The following MEGF11 variants were observed in gnomAD, a reference collection of about 807,000 sequenced individuals.
The protein encoded by MEGF11 is multiple EGF like domains 11, also known as multiple epidermal growth factor-like domains protein 11.
Under a neutral mutation model 146.6 loss-of-function variants are expected in MEGF11, and 126 were observed. The observed-to-expected ratio is 0.86, with a 90% CI of 0.74 to 1.00. The LOEUF (loss-of-function observed/expected upper bound fraction) is 1.00. Ranked by LOEUF, MEGF11 falls within the 50% of genes least tolerant of loss-of-function variation. The probability of loss-of-function intolerance (pLI) is 0.00; values close to 1 mark genes in which losing one functional copy is unlikely to be tolerated. For synonymous variants in MEGF11, 532 were observed against 583.4 expected (o/e 0.91, Z 1.27); for missense variants, 1,509 against 1,521.2 (o/e 0.99, Z 0.13).
intron 1 of MEGF11, among the ~76,000 whole-genome samples, chr15:66,235,745 G>C (rs2092075670): frequency 6.6e-6 from 1 of 152,108 alleles, no homozygotes; most frequent in East Asian, 1.9e-4. Context: ...TCCCAAGACT[G>C]CCCGGGCTCC....
intron 1 of MEGF11, among the ~76,000 whole-genome samples, chr15:66,151,341 C>A (rs1420186205): frequency 6.6e-6 from 1 of 152,170 alleles, no homozygotes; most frequent in Admixed American, 6.5e-5. Context: ...CCCTGAGCCA[C>A]GTGGGGCTGA....
intron 1 of MEGF11, among the ~76,000 whole-genome samples, chr15:66,164,323 C>A (rs938316137): frequency 6.6e-6 from 1 of 152,180 alleles, no homozygotes; most frequent in Non-Finnish European, 1.5e-5. Flanking sequence ...CATCACTGTG[C>A]CAATGGAGTT....
intron 1 of MEGF11, among the ~76,000 whole-genome samples, chr15:66,191,368 A>T (rs571729973): frequency 6.6e-6 from 1 of 152,328 alleles, no homozygotes; most frequent in African/African-American, 2.4e-5. Context: ...CAGGGGTTTC[A>T]ATGGATGCTC....
chr15:66,200,080 G>A (rs1257124344), intron 1 of MEGF11, among the ~76,000 whole-genome samples: 2 of 152,142 alleles, frequency 1.3e-5, no homozygotes, highest in East Asian at 1.9e-4. Context: ...CTATGAATAC[G>A]TCAATATTCA....
intron 5 of MEGF11, among the ~76,000 whole-genome samples, chr15:65,990,155 G>A (rs1457322132): frequency 6.6e-6 from 1 of 152,144 alleles, no homozygotes; most frequent in African/African-American, 2.4e-5. Context: ...AGGCTGCAGT[G>A]AGCTATGACT....
At chr15:66,096,703 T>C (rs1205276588) in intron 4 of MEGF11, among the ~76,000 whole-genome samples, 1 of 152,124 alleles carries the variant, frequency 6.6e-6, no homozygotes, top group Non-Finnish European at 1.5e-5. Flanking sequence ...AGGTTAGGGA[T>C]AGGGTGGAGG....
chr15:66,005,068 A>C (rs2141854592), intron 5 of MEGF11, among the ~76,000 whole-genome samples: 1 of 152,266 alleles, frequency 6.6e-6, no homozygotes, highest in Admixed American at 6.5e-5. Context: ...TCTGCTCTCC[A>C]TCTGGGGCAA....
intron 5 of MEGF11, among the ~76,000 whole-genome samples, chr15:66,034,668 C>A (rs2083657913): frequency 6.6e-6 from 1 of 152,160 alleles, no homozygotes; most frequent in Non-Finnish European, 1.5e-5. Context: ...GATCCTTGCA[C>A]CTCAGCCTCC....
intron 5 of MEGF11, among the ~76,000 whole-genome samples, chr15:66,070,817 C>G (rs1460815586): frequency 1.3e-5 from 2 of 152,118 alleles, no homozygotes; most frequent in Non-Finnish European, 1.5e-5. Flanking sequence ...AACACCCAGC[C>G]CAGAGTCCAC....
chr15:66,200,487 A>C (rs956283706), intron 1 of MEGF11, among the ~76,000 whole-genome samples: 3 of 152,088 alleles, frequency 2.0e-5, no homozygotes, highest in South Asian at 2.1e-4. Context: ...AAATGATTAT[A>C]CTTTTCCTAG....
intron 1 of MEGF11, among the ~76,000 whole-genome samples, chr15:66,151,009 A>C (rs2089553954): frequency 6.6e-6 from 1 of 152,172 alleles, no homozygotes; most frequent in Admixed American, 6.5e-5. Flanking sequence ...AGGGGCAAGG[A>C]AGGAATGTCA....
chr15:66,246,199 A>G (rs1274389547), intron 1 of MEGF11, among the ~76,000 whole-genome samples: 1 of 152,200 alleles, frequency 6.6e-6, no homozygotes, highest in East Asian at 1.9e-4. Flanking sequence ...AGAGTTTGCA[A>G]TGAGCAGAGA....
intron 5 of MEGF11, among the ~76,000 whole-genome samples, chr15:66,090,419 A>C (rs2086273874): frequency 6.6e-6 from 1 of 152,268 alleles, no homozygotes; most frequent in East Asian, 1.9e-4. Context: ...GTTTTAAAAA[A>C]TTCAGCACCA....
chr15:66,129,398 G>A (rs2088546566), intron 1 of MEGF11, among the ~76,000 whole-genome samples: 1 of 152,244 alleles, frequency 6.6e-6, no homozygotes, highest in Non-Finnish European at 1.5e-5. Context: ...CTGAATGAAC[G>A]CTGCGACTCA....
At chr15:66,151,844 G>A (rs1337392840) in intron 1 of MEGF11, among the ~76,000 whole-genome samples, 2 of 152,222 alleles carry the variant, frequency 1.3e-5, no homozygotes, top group Non-Finnish European at 2.9e-5. Context: ...AGGATAAGAA[G>A]GGGAGCAGGG....
chr15:66,173,914 G>T (rs997707644), intron 1 of MEGF11, among the ~76,000 whole-genome samples: 6 of 152,200 alleles, frequency 3.9e-5, no homozygotes, highest in African/African-American at 1.4e-4. Context: ...CTCTTGGATG[G>T]TCAAGTGCCT....
chr15:66,129,627 A>T (rs1261572139), intron 1 of MEGF11, among the ~76,000 whole-genome samples: 1 of 152,182 alleles, frequency 6.6e-6, no homozygotes, highest in Non-Finnish European at 1.5e-5. Context: ...GGGTTCGCAG[A>T]TGAGGAAGCG....
chr15:66,208,820 T>G lies in MEGF11; in HGVS notation c.-9+44785A>C, dbSNP rs144243734. Reference sequence around the variant, plus strand: ...TCGCTTGAACCTGGGAGGTGTGCAGTGAACCAATATCATGCCATTGCGCTC... The same window carrying G: ...TCGCTTGAACCTGGGAGGTGTGCAGGGAACCAATATCATGCCATTGCGCTC... On this transcript the variant is annotated intron_variant, in intron 1 of 25. Coordinates refer to ENST00000395614, the MANE Select transcript of MEGF11 (RefSeq NM_001385028.1). 8.7e-4 allele frequency among the ~76,000 whole-genome samples: 133 copies of G among 152,110 alleles called. No individual in the cohort carries two copies. In the East Asian group the frequency reaches 0.022, roughly 25 times the overall value.
At chr15:66,045,595 C>G (rs913059471) in intron 5 of MEGF11, among the ~76,000 whole-genome samples, 6 of 152,226 alleles carry the variant, frequency 3.9e-5, no homozygotes, top group Non-Finnish European at 7.3e-5. Flanking sequence ...TCCGGGCCAG[C>G]AGGCTGTGAA....
Sources: allele counts gnomAD v4.1 joint callset (sites outside exome capture counted in the v4.1 genomes callset), GRCh38; gene constraint gnomAD v4.1.1; transcripts MANE v1.5; gene names NCBI Gene and HGNC (gene_info 2026-07-23, HGNC 2026-07-21).